The following LRMDA variants were observed in gnomAD, a reference collection of about 807,000 sequenced individuals.
LRMDA encodes the protein leucine-rich melanocyte differentiation-associated protein.
Under a neutral mutation model 29.8 loss-of-function variants are expected in LRMDA, and 18 were observed. The ratio of observed to expected loss-of-function variants is 0.60; its 90% CI spans 0.42 to 0.90. LRMDA has a LOEUF of 0.90. Among genes scored for constraint, LRMDA ranks in the 40% least tolerant of loss-of-function variants. LRMDA has a pLI of 0.00. For missense variants in LRMDA, 273 were observed against 273.9 expected (o/e 1.00, Z 0.02); for synonymous variants, 125 against 109.4 (o/e 1.14, Z -0.89).
intron 6 of LRMDA, among the ~76,000 whole-genome samples, chr10:76,347,477 G>A (rs771685472): frequency 7.2e-5 from 11 of 152,176 alleles, no homozygotes; most frequent in Admixed American, 5.9e-4. Flanking sequence ...AACCACCTGA[G>A]AGATACCTCC....
At chr10:75,692,313 A>G (rs937630750) in intron 2 of LRMDA, among the ~76,000 whole-genome samples, 8 of 147,148 alleles carry the variant, frequency 5.4e-5, no homozygotes, top group Non-Finnish European at 1.2e-4. Flanking sequence ...ATATACATAC[A>G]TATATACATA....
intron 2 of LRMDA, among the ~76,000 whole-genome samples, chr10:75,891,735 G>A (rs533517098): frequency 2.0e-5 from 3 of 152,292 alleles, no homozygotes; most frequent in Admixed American, 2.0e-4. Context: ...CATTCTGGAT[G>A]TTTTAGAAGA....
chr10:75,480,332 G>A, intron 2 of LRMDA, among the ~76,000 whole-genome samples: 2 of 131,780 alleles, frequency 1.5e-5, no homozygotes, highest in Non-Finnish European at 3.2e-5. Context: ...GCTGAAGAGT[G>A]TTTCAGGCAG....
chr10:76,115,090 A>G (rs1010725967), intron 5 of LRMDA, among the ~76,000 whole-genome samples: 2 of 152,232 alleles, frequency 1.3e-5, no homozygotes, highest in Non-Finnish European at 2.9e-5. Flanking sequence ...CTGGGCTAGC[A>G]TCCTAAGAGG....
At chr10:76,475,072 T>C (rs1375606727) in intron 6 of LRMDA, among the ~76,000 whole-genome samples, 1 of 151,704 alleles carries the variant, frequency 6.6e-6, no homozygotes, top group Non-Finnish European at 1.5e-5. Flanking sequence ...TGGGTAAACC[T>C]TGAAAACATT....
intron 6 of LRMDA, among the ~76,000 whole-genome samples, chr10:76,552,216 T>A (rs1026013814): frequency 3.0e-4 from 46 of 152,380 alleles, no homozygotes; most frequent in African/African-American, 1.1e-3. Context: ...ACTAAAATAT[T>A]AATGACAGAC....
chr10:75,450,213 G>C (rs980849827), intron 2 of LRMDA: 1 of 151,966 alleles, frequency 6.6e-6, no homozygotes, highest in East Asian at 1.9e-4. Context: ...CCTAGCACAA[G>C]GTCACTTAGG....
rs1841904262 is a variant in LRMDA, at chr10:75,672,518, TTCTTTTCCTCCCCTCCCCTCCCCTCC to T, written c.131+234025_131+234050del. 1.0e-2 allele frequency among the ~76,000 whole-genome samples: 375 copies of T among 37,578 alleles called. 42 individuals are homozygous for T. The highest frequency in any genetic ancestry group is 0.037 in the East Asian group (33 of 904). 24.7% of individuals were successfully genotyped at this position (37,578 alleles called of 152,430 possible). A position where few individuals can be genotyped will look rare whatever the true frequency, so the allele number is the denominator to read the frequency against. On this transcript the variant is annotated intron_variant, in intron 2 of 6. Coordinates refer to ENST00000611255, the MANE Select transcript of LRMDA (RefSeq NM_001305581.2). ...TAAGACACTTCCTTGTATTTTTCTT[TTCTTTTCCTCCCCTCCCCTCCCCTCC>T]CCTCCCCTCCCCTCCCCTCCCCTTC...
chr10:75,841,206 A>G (rs1844535210), intron 2 of LRMDA, among the ~76,000 whole-genome samples: 1 of 152,224 alleles, frequency 6.6e-6, no homozygotes, highest in African/African-American at 2.4e-5. Flanking sequence ...ACAAGATAAC[A>G]TATTTACATG....
At chr10:75,553,613 G>T (rs886830656) in intron 2 of LRMDA, among the ~76,000 whole-genome samples, 2 of 152,094 alleles carry the variant, frequency 1.3e-5, no homozygotes, top group African/African-American at 4.8e-5. Context: ...AGGGCAGCAG[G>T]CCTCTATATC....
At chr10:75,890,180 G>T in intron 2 of LRMDA, among the ~76,000 whole-genome samples, 1 of 152,306 alleles carries the variant, frequency 6.6e-6, no homozygotes, top group Non-Finnish European at 1.5e-5. Flanking sequence ...TGGTGTTAAT[G>T]AGGATTCCCT....
intron 2 of LRMDA, among the ~76,000 whole-genome samples, chr10:75,756,300 G>A (rs1262316496): frequency 1.3e-5 from 2 of 152,204 alleles, no homozygotes; most frequent in African/African-American, 4.8e-5. Context: ...AAAGAGAGCG[G>A]GTGTTCCTTT....
chr10:76,428,670 C>T lies in LRMDA; in HGVS notation c.601+104185C>T, dbSNP rs76169712. On this transcript the variant is annotated intron_variant, in intron 6 of 6. Coordinates refer to ENST00000611255, the MANE Select transcript of LRMDA (RefSeq NM_001305581.2). ...GTGGGGGTGAATGAGGAGGGTAAAC[C>T]GGCTGAGGATGCAAAAAAGAGAATG... Among the ~76,000 whole-genome samples the T allele has an allele frequency of 6.1e-3, 922 of 152,140 alleles. 7 individuals carry two copies. The highest frequency in any genetic ancestry group is 0.021 in the African/African-American group (872 of 41,510).
chr10:76,120,436 C>A (rs527414157), intron 5 of LRMDA, among the ~76,000 whole-genome samples: 2 of 152,112 alleles, frequency 1.3e-5, no homozygotes, highest in Non-Finnish European at 2.9e-5. Flanking sequence ...GATCCACCTA[C>A]CTTGACCTCC....
chr10:76,359,285 C>G (rs1399475738), intron 6 of LRMDA, among the ~76,000 whole-genome samples: 3 of 152,142 alleles, frequency 2.0e-5, no homozygotes, highest in Non-Finnish European at 1.5e-5. Context: ...GCTTATTAGT[C>G]CACAGCACTT....
chr10:75,711,825 C>T (rs1332107595), intron 2 of LRMDA, among the ~76,000 whole-genome samples: 1 of 151,842 alleles, frequency 6.6e-6, no homozygotes, highest in Non-Finnish European at 1.5e-5. Flanking sequence ...ATAAGCTTTC[C>T]CCCACCCCGT....
At chr10:75,981,637 A>T (rs1293954021) in intron 2 of LRMDA, among the ~76,000 whole-genome samples, 1 of 152,114 alleles carries the variant, frequency 6.6e-6, no homozygotes, top group Non-Finnish European at 1.5e-5. Context: ...GCAGATCACG[A>T]GGTCAAGAGA....
In LRMDA at chr10:76,239,093, A is replaced by C. The variant is rs7922344; in HGVS notation, c.517-85308A>C. On this transcript the variant is annotated intron_variant, in intron 5 of 6. Coordinates refer to ENST00000611255, the MANE Select transcript of LRMDA (RefSeq NM_001305581.2). ...TCATGCCTTGCCTTGGTGACGTACAAATTTTAGGCATTTTAAAGAAATACC... is the reference window on the plus strand; with the variant it reads ...TCATGCCTTGCCTTGGTGACGTACACATTTTAGGCATTTTAAAGAAATACC... Among the ~76,000 whole-genome samples, 1,052 of 152,208 alleles carry C rather than the reference A, an allele frequency of 6.9e-3. 11 individuals carry two copies. Among genetic ancestry groups the C allele is most frequent in the African/African-American group, 0.024 (1,001 of 41,520 alleles).
chr10:75,996,793 C>T (rs542916902), intron 2 of LRMDA, among the ~76,000 whole-genome samples: 10 of 148,414 alleles, frequency 6.7e-5, no homozygotes, highest in Non-Finnish European at 1.0e-4. Context: ...AGTGCAGTGG[C>T]GTCATCTTGG....
Sources: allele counts gnomAD v4.1 joint callset (sites outside exome capture counted in the v4.1 genomes callset), GRCh38; gene constraint gnomAD v4.1.1; transcripts MANE v1.5; gene names NCBI Gene and HGNC (gene_info 2026-07-23, HGNC 2026-07-21).